The following ATRNL1 variants were observed in gnomAD, a reference collection of about 807,000 sequenced individuals.
The protein encoded by ATRNL1 is attractin like 1, also known as attractin-like protein 1.
Under a neutral mutation model 182.7 loss-of-function variants are expected in ATRNL1, and 95 were observed. That is an observed-to-expected ratio of 0.52 (90% CI 0.44 to 0.62). The LOEUF (loss-of-function observed/expected upper bound fraction) is 0.62, where lower values mean the gene tolerates loss of function less well. Among genes scored for constraint, ATRNL1 ranks in the 20% least tolerant of loss-of-function variants. The pLI, the probability that ATRNL1 is intolerant of heterozygous loss-of-function variation, is 0.00. For missense variants in ATRNL1, 1,471 were observed against 1,679.5 expected, an observed-to-expected ratio of 0.88 and a Z score of 2.17; for synonymous variants, 576 against 568.3, an observed-to-expected ratio of 1.01 and a Z score of -0.19.
intron 19 of ATRNL1, among the ~76,000 whole-genome samples, chr10:115,360,601 CA>C (rs35218125): frequency 9.5e-5 from 14 of 146,622 alleles, no homozygotes; most frequent in South Asian, 2.1e-4. Context: ...TTTTTTAAAG[CA>C]AAAAAAAAAT....
At chr10:115,378,151 A>C (rs1220714539) in intron 19 of ATRNL1, among the ~76,000 whole-genome samples, 1 of 152,156 alleles carries the variant, frequency 6.6e-6, no homozygotes, top group Non-Finnish European at 1.5e-5. Context: ...GGGATATCAT[A>C]CGTGTGTGTT....
chr10:115,752,163 G>T (rs2134122869), intron 27 of ATRNL1, among the ~76,000 whole-genome samples: 1 of 152,108 alleles, frequency 6.6e-6, no homozygotes, highest in South Asian at 2.1e-4. Context: ...ACTGATAGAG[G>T]ATGGAGTTCA....
chr10:115,223,929 A>ATATATATATATATT (rs1420143943), intron 9 of ATRNL1, among the ~76,000 whole-genome samples: 17 of 44,732 alleles, frequency 3.8e-4, no homozygotes, highest in African/African-American at 8.3e-4. Context: ...ATATATATAT[A>ATATATATATATATT]TTTTTTTTTT....
At chr10:115,849,857 T>G (rs1443630914) in intron 28 of ATRNL1, among the ~76,000 whole-genome samples, 4 of 152,144 alleles carry the variant, frequency 2.6e-5, no homozygotes, top group African/African-American at 9.7e-5. Flanking sequence ...GCAGAAAGCC[T>G]CTCTAAAATC....
chr10:115,758,699 GA>G (rs1252441586), intron 27 of ATRNL1, among the ~76,000 whole-genome samples: 5 of 152,180 alleles, frequency 3.3e-5, no homozygotes, highest in Admixed American at 3.3e-4. Context: ...GTCAGGCAGG[GA>G]CATTTAAATC....
At chr10:115,910,413 A>G (rs1952639708) in intron 28 of ATRNL1, among the ~76,000 whole-genome samples, 1 of 152,146 alleles carries the variant, frequency 6.6e-6, no homozygotes, top group Non-Finnish European at 1.5e-5. Context: ...TCTGGGACCC[A>G]GGCCATGCCC....
intron 7 of ATRNL1, among the ~76,000 whole-genome samples, chr10:115,168,693 T>C (rs532433628): frequency 1.3e-5 from 2 of 152,260 alleles, no homozygotes; most frequent in East Asian, 3.9e-4. Context: ...GAATTCTTCA[T>C]ATGTTCTAGA....
chr10:115,495,092 C>A (rs1235074011), intron 24 of ATRNL1, among the ~76,000 whole-genome samples: 1 of 151,604 alleles, frequency 6.6e-6, no homozygotes, highest in Admixed American at 6.6e-5. Context: ...GAATTTATTT[C>A]TTCTAGGTTT....
At chr10:115,883,970 C>A (rs1345058968) in intron 28 of ATRNL1, among the ~76,000 whole-genome samples, 1 of 152,170 alleles carries the variant, frequency 6.6e-6, no homozygotes, top group African/African-American at 2.4e-5. Flanking sequence ...TGGGACAGAA[C>A]CTAATGATTG....
intron 24 of ATRNL1, among the ~76,000 whole-genome samples, chr10:115,497,719 G>A (rs1314782942): frequency 1.3e-5 from 2 of 151,352 alleles, no homozygotes; most frequent in Admixed American, 6.6e-5. Flanking sequence ...GTGCAGTGGC[G>A]CAATCTCGGC....
chr10:115,451,767 C>T (rs555457116), intron 21 of ATRNL1, among the ~76,000 whole-genome samples: 89 of 152,028 alleles, frequency 5.9e-4, no homozygotes, highest in Non-Finnish European at 1.1e-3. Flanking sequence ...TTGGAATATA[C>T]CCAGAGGAGT....
chr10:115,771,654 T>C (rs1948996966), intron 27 of ATRNL1, among the ~76,000 whole-genome samples: 1 of 152,228 alleles, frequency 6.6e-6, no homozygotes, highest in Non-Finnish European at 1.5e-5. Context: ...GTTACCCTTT[T>C]CTATGCTTTC....
intron 27 of ATRNL1, among the ~76,000 whole-genome samples, chr10:115,748,276 G>A (rs1948350147): frequency 6.6e-6 from 1 of 151,478 alleles, no homozygotes; most frequent in Non-Finnish European, 1.5e-5. Flanking sequence ...TTTATACAAT[G>A]AAGGAAGGGT....
chr10:115,618,103 T>A (rs1857534900), intron 26 of ATRNL1, among the ~76,000 whole-genome samples: 1 of 152,216 alleles, frequency 6.6e-6, no homozygotes, highest in East Asian at 1.9e-4. Flanking sequence ...GCTGAGCAGA[T>A]GTTGTCATGC....
intron 26 of ATRNL1, among the ~76,000 whole-genome samples, chr10:115,714,194 G>A (rs1947177297): frequency 1.3e-5 from 2 of 152,114 alleles, no homozygotes; most frequent in Non-Finnish European, 2.9e-5. Context: ...GAAATAAACA[G>A]CATCAGTTAT....
intron 26 of ATRNL1, among the ~76,000 whole-genome samples, chr10:115,607,618 A>G (rs1856937561): frequency 6.6e-6 from 1 of 151,888 alleles, no homozygotes; most frequent in Admixed American, 6.6e-5. Flanking sequence ...GGTCACAGAT[A>G]TTGAACTTAA....
intron 8 of ATRNL1, among the ~76,000 whole-genome samples, chr10:115,205,633 T>C (rs1848766723): frequency 2.0e-5 from 3 of 152,022 alleles, no homozygotes; most frequent in Admixed American, 2.0e-4. Context: ...TATTATCTCT[T>C]TGTAATTTTT....
intron 27 of ATRNL1, among the ~76,000 whole-genome samples, chr10:115,801,838 T>C (rs1949800316): frequency 6.6e-6 from 1 of 152,108 alleles, no homozygotes; most frequent in African/African-American, 2.4e-5. Flanking sequence ...ATAATTCAAC[T>C]TTCACAGTTA....
At chr10:115,518,195 T>C (rs1053725535) in intron 24 of ATRNL1, among the ~76,000 whole-genome samples, 4 of 151,900 alleles carry the variant, frequency 2.6e-5, no homozygotes, top group African/African-American at 9.7e-5. Flanking sequence ...TTTGTTTTTC[T>C]TCACTCAGGG....
Sources: gnomAD v4.1 joint callset for allele counts (sites outside exome capture counted in the v4.1 genomes callset) on GRCh38, gnomAD v4.1.1 for gene constraint, MANE v1.5 for transcripts, NCBI Gene and HGNC (gene_info 2026-07-23, HGNC 2026-07-21) for gene names.